Variants in PTPRO observed in about 807,000 individuals in gnomAD.
PTPRO encodes the protein receptor-type tyrosine-protein phosphatase O.
Under a neutral mutation model 145.2 loss-of-function variants are expected in PTPRO, and 62 were observed. The observed-to-expected ratio is 0.43, with a 90% CI of 0.35 to 0.53. PTPRO has a LOEUF of 0.53. PTPRO is among the 20% of genes least tolerant of loss of function. The probability of loss-of-function intolerance (pLI) is 0.01; values close to 1 mark genes in which losing one functional copy is unlikely to be tolerated. For synonymous variants in PTPRO, 565 were observed against 514.7 expected (o/e 1.10, Z -1.32); for missense variants, 1,345 against 1,482.7 (o/e 0.91, Z 1.53).
At chr12:15,478,693 AC>A (rs1941711725) in intron 1 of PTPRO, among the ~76,000 whole-genome samples, 1 of 151,898 alleles carries the variant, frequency 6.6e-6, no homozygotes, top group Non-Finnish European at 1.5e-5. Flanking sequence ...TTTCTTTGAG[AC>A]AGAGTCTCTC....
chr12:15,331,180 C>T (rs2136200101), intron 1 of PTPRO, among the ~76,000 whole-genome samples: 1 of 152,110 alleles, frequency 6.6e-6, no homozygotes, highest in Non-Finnish European at 1.5e-5. Context: ...AAAGCAAAAT[C>T]AAGGAAACCC....
intron 1 of PTPRO, among the ~76,000 whole-genome samples, chr12:15,441,980 T>A (rs1019928144): frequency 1.3e-5 from 2 of 151,274 alleles, no homozygotes; most frequent in African/African-American, 4.9e-5. Context: ...AAGAAGGGAG[T>A]CCCTTCTAAC....
At chr12:15,349,619 C>T (rs1187434066) in intron 1 of PTPRO, among the ~76,000 whole-genome samples, 3 of 152,282 alleles carry the variant, frequency 2.0e-5, no homozygotes, top group Admixed American at 2.0e-4. Context: ...AAGCAGATGC[C>T]ATTCCATCTC....
At chr12:15,513,112 G>GAAAGAAAGAAGAAAGAAAGAAAGA (rs1565675360) in intron 7 of PTPRO, among the ~76,000 whole-genome samples, 1 of 8,964 alleles carries the variant, frequency 1.1e-4, no homozygotes, top group African/African-American at 2.3e-4. Context: ...AGAAAGAAAG[G>GAAAGAAAGAAGAAAGAAAGAAAGA]AAGGAAGGAA....
chr12:15,467,922 A>T (rs1214564129), intron 1 of PTPRO, among the ~76,000 whole-genome samples: 1 of 152,152 alleles, frequency 6.6e-6, no homozygotes, highest in Non-Finnish European at 1.5e-5. Flanking sequence ...TGAACTCCCC[A>T]ATGGTGCATT....
intron 1 of PTPRO, among the ~76,000 whole-genome samples, chr12:15,454,623 T>C (rs1394337278): frequency 6.6e-6 from 1 of 152,218 alleles, no homozygotes; most frequent in Non-Finnish European, 1.5e-5. Context: ...GTGTTGCCTA[T>C]GTTTTTGGTG....
intron 1 of PTPRO, among the ~76,000 whole-genome samples, chr12:15,324,437 T>C (rs1012078712): frequency 3.3e-5 from 5 of 152,170 alleles, no homozygotes; most frequent in African/African-American, 1.2e-4. Flanking sequence ...AACTCGATAT[T>C]GGAATGAGAA....
At chr12:15,350,994 TC>T (rs1937784150) in intron 1 of PTPRO, among the ~76,000 whole-genome samples, 1 of 152,170 alleles carries the variant, frequency 6.6e-6, no homozygotes, top group Non-Finnish European at 1.5e-5. Flanking sequence ...CCCCTCTTTA[TC>T]TTGGCCTTGA....
intron 1 of PTPRO, among the ~76,000 whole-genome samples, chr12:15,443,700 C>T (rs751294325): frequency 3.9e-5 from 6 of 152,006 alleles, no homozygotes; most frequent in Admixed American, 2.0e-4. Flanking sequence ...TGAACAGACA[C>T]GCCTCAAAAG....
At chr12:15,570,870 T>C (rs1160992700) in intron 19 of PTPRO, among the ~76,000 whole-genome samples, 1 of 152,192 alleles carries the variant, frequency 6.6e-6, no homozygotes, top group African/African-American at 2.4e-5. Context: ...GATCATAACC[T>C]CTGCTGGCAA....
chr12:15,514,491 G>A (rs1255820770), intron 7 of PTPRO, among the ~76,000 whole-genome samples: 4 of 140,620 alleles, frequency 2.8e-5, no homozygotes, highest in Non-Finnish European at 6.0e-5. Context: ...CAGTAAAGAA[G>A]GTCTCATGTA....
chr12:15,537,010 T>C (rs989878958), intron 12 of PTPRO, among the ~76,000 whole-genome samples: 14 of 152,188 alleles, frequency 9.2e-5, no homozygotes, highest in East Asian at 1.9e-4. Flanking sequence ...ATGTTGTCTA[T>C]GAATGAGTAA....
At position 15,551,401 on chromosome 12, in the gene PTPRO, G is replaced by A. The variant is rs1335380959; in HGVS notation, c.2438-150G>A. 7 of 997,566 alleles carry A rather than the reference G, an allele frequency of 7.0e-6. No homozygotes were observed. The African/African-American group carries it at 1.1e-4, about 16-fold the overall frequency. 61.8% of individuals were successfully genotyped at this position (997,566 alleles called of 1,614,324 possible). The stretch of plus-strand genomic sequence containing the variant: ...GCTAAGTTACAGTTGACCAGGAAGA[G>A]GTCATTGCTGGCTTGGGGAACATGA... On this transcript the variant is annotated intron_variant, in intron 14 of 26. Transcript: ENST00000281171.
At chr12:15,536,942 G>T (rs1171931274) in intron 12 of PTPRO, among the ~76,000 whole-genome samples, 2 of 152,142 alleles carry the variant, frequency 1.3e-5, no homozygotes, top group African/African-American at 2.4e-5. Context: ...GATGAAAAGT[G>T]GTCAGATTCA....
At chr12:15,325,747 T>A (rs1565564993) in intron 1 of PTPRO, among the ~76,000 whole-genome samples, 1 of 152,178 alleles carries the variant, frequency 6.6e-6, no homozygotes. Flanking sequence ...TCTTCCTGTA[T>A]CAGTTTACTC....
chr12:15,513,235 AAAG>A (rs1189158676), intron 7 of PTPRO, among the ~76,000 whole-genome samples: 2 of 136,426 alleles, frequency 1.5e-5, no homozygotes, highest in African/African-American at 5.4e-5. Context: ...GAAAAGAAAG[AAAG>A]AGGGAGGGAG....
At chr12:15,512,722 G>T (rs1008461582) in intron 7 of PTPRO, among the ~76,000 whole-genome samples, 1 of 152,082 alleles carries the variant, frequency 6.6e-6, no homozygotes, top group African/African-American at 2.4e-5. Flanking sequence ...GGCCAGGCAC[G>T]GCGGTTCACG....
intron 1 of PTPRO, among the ~76,000 whole-genome samples, chr12:15,339,301 A>T (rs145783318): frequency 5.1e-4 from 77 of 152,306 alleles, no homozygotes; most frequent in African/African-American, 1.7e-3. Context: ...TGAATAAAAC[A>T]GTGGGGACAG....
chr12:15,535,885 G>A (rs549352292), intron 12 of PTPRO, among the ~76,000 whole-genome samples: 7 of 152,180 alleles, frequency 4.6e-5, no homozygotes, highest in East Asian at 1.9e-4. Flanking sequence ...AACATAATTT[G>A]GCTATGGACA....
Sources: allele counts gnomAD v4.1 joint callset (sites outside exome capture counted in the v4.1 genomes callset), GRCh38; gene constraint gnomAD v4.1.1; transcripts MANE v1.5; gene names NCBI Gene and HGNC (gene_info 2026-07-23, HGNC 2026-07-21).